Variants in BZW2 observed in about 807,000 individuals in gnomAD.
BZW2 encodes the protein basic leucine zipper and W2 domains 2, also known as eIF5-mimic protein 1.
A neutral mutation model predicts 53.2 loss-of-function variants in BZW2; 23 were observed. That is an observed-to-expected ratio of 0.43 (90% CI 0.31 to 0.61). The LOEUF is 0.61. BZW2 is among the 20% of genes least tolerant of loss of function. BZW2 has a pLI of 0.09. For missense variants in BZW2, 409 were observed against 503.1 expected, an observed-to-expected ratio of 0.81 and a Z score of 1.79; for synonymous variants, 227 against 186.4, an observed-to-expected ratio of 1.22 and a Z score of -1.77.
intron 2 of BZW2, among the ~76,000 whole-genome samples, chr7:16,671,615 G>A (rs1191121581): frequency 2.0e-5 from 3 of 151,944 alleles, no homozygotes; most frequent in Non-Finnish European, 2.9e-5. Flanking sequence ...ATGTATGTTC[G>A]TATTGCTCTT....
intron 3 of BZW2, 132 bp from the exon 4 acceptor site, chr7:16,681,169 G>C: frequency 1.3e-6 from 1 of 759,864 alleles, no homozygotes; most frequent in Non-Finnish European, 2.1e-6. Flanking sequence ...GTCATTCTTT[G>C]AAATTTTATG....
intron 1 of BZW2, among the ~76,000 whole-genome samples, chr7:16,657,767 G>A: frequency 6.6e-6 from 1 of 152,086 alleles, no homozygotes; most frequent in East Asian, 1.9e-4. Context: ...CCACTGGTAT[G>A]TTCAGATCTG....
intron 2 of BZW2, among the ~76,000 whole-genome samples, chr7:16,668,099 G>T (rs1229477053): frequency 6.6e-6 from 1 of 152,204 alleles, no homozygotes; most frequent in African/African-American, 2.4e-5. Context: ...CAGCTATGAG[G>T]CACAGAAACG....
intron 3 of BZW2, among the ~76,000 whole-genome samples, chr7:16,678,340 C>T (rs751242637): frequency 2.0e-5 from 3 of 151,800 alleles, no homozygotes; most frequent in Non-Finnish European, 2.9e-5. Context: ...CCACCACGCC[C>T]GGCCCCATTG....
intron 1 of BZW2, 64 bp from the exon 2 acceptor site, chr7:16,665,373 G>C (rs1464736247): frequency 1.3e-6 from 2 of 1,584,344 alleles, no homozygotes; most frequent in Admixed American, 1.7e-5. Context: ...AAACTTATTG[G>C]CCATATGTTT....
At chr7:16,704,734 A>T (rs1783779754) in intron 11 of BZW2, 65 bp downstream of exon 11, 4 of 1,375,930 alleles carry the variant, frequency 2.9e-6, no homozygotes, top group African/African-American at 1.4e-5. Context: ...CAAAATATTT[A>T]CCTCTTCCAC....
chr7:16,704,067 A>T (rs911936117), intron 10 of BZW2, among the ~76,000 whole-genome samples: 1 of 152,144 alleles, frequency 6.6e-6, no homozygotes, highest in African/African-American at 2.4e-5. Flanking sequence ...TCATTATTGC[A>T]TACTATCTAC....
intron 1 of BZW2, among the ~76,000 whole-genome samples, chr7:16,660,402 A>T (rs1196926117): frequency 4.2e-5 from 6 of 143,318 alleles, no homozygotes; most frequent in African/African-American, 1.5e-4. Flanking sequence ...TCCATATTTA[A>T]AAAAAAAAAA....
intron 4 of BZW2, among the ~76,000 whole-genome samples, chr7:16,681,641 G>A (rs1370143824): frequency 6.6e-6 from 1 of 152,142 alleles, no homozygotes; most frequent in African/African-American, 2.4e-5. Context: ...GACCAGCCTG[G>A]CCAACATGGT....
chr7:16,682,693 A>G (rs1782986105), intron 4 of BZW2, 87 bp from the exon 5 acceptor site: 1 of 690,440 alleles, frequency 1.4e-6, no homozygotes, highest in Non-Finnish European at 2.3e-6. Flanking sequence ...ATTATTATAG[A>G]TCTATGGTGT....
In BZW2 at chr7:16,699,861, TTTC is replaced by T. The variant is rs139558986; in HGVS notation, c.1108+1682_1108+1684del. Among the ~76,000 whole-genome samples the T allele has an allele frequency of 3.4e-3, 522 of 152,304 alleles. 1 individual carries two copies. The highest frequency in any genetic ancestry group is 0.012 in the African/African-American group (488 of 41,550). On this transcript the variant is annotated intron_variant, in intron 10 of 11. Coordinates refer to ENST00000258761, the MANE Select transcript of BZW2 (RefSeq NM_014038.3). Reference sequence around the variant, plus strand: ...TAGTAAAACTGGCTACTTTGAGTTTTTTCTTCTTCATCAGCCCCAGATGCTAAG... The same window carrying T: ...TAGTAAAACTGGCTACTTTGAGTTTTTTCTTCATCAGCCCCAGATGCTAAG...
rs762472281 is a variant in BZW2 at position 16,685,995 on chromosome 7, G to A, written c.496G>A (p.Ala166Thr). The A allele has an allele frequency of 5.6e-6, 9 of 1,604,392 alleles. No individual in the cohort carries two copies. Among genetic ancestry groups the A allele is most frequent in the Non-Finnish European group, 7.6e-6 (9 of 1,176,950 alleles). Residue 166 changes from alanine (A) to threonine (T), a missense_variant, in exon 6 of 12, where the codon GCC becomes ACC. Around this residue, in one of 3 missense-constraint regions of BZW2, gnomAD observed 316 missense variants for 366.8 expected, o/e 0.86. Coordinates refer to ENST00000258761, the MANE Select transcript of BZW2 (RefSeq NM_014038.3). ...TCTGCTGGGCAATGGCACCCTGCCC[G>A]CCACCATCCTCACCAGTCTCTTCAC... ...GILLGNGTLP[A>T]TILTSLFTDS...
intron 9 of BZW2, among the ~76,000 whole-genome samples, 194 bp from the exon 10 acceptor site, chr7:16,697,854 C>G (rs773916035): frequency 2.0e-5 from 3 of 152,216 alleles, no homozygotes; most frequent in East Asian, 1.9e-4. Flanking sequence ...AGTTCCCTCA[C>G]AGGTCGACTA....
intron 5 of BZW2, among the ~76,000 whole-genome samples, chr7:16,685,429 G>A (rs1406590985): frequency 2.0e-5 from 3 of 147,154 alleles, no homozygotes; most frequent in Non-Finnish European, 4.5e-5. Context: ...TTTTTTGTTT[G>A]TGTGGGGCTT....
intron 5 of BZW2, 29 bp from the exon 6 acceptor site, chr7:16,685,873 TTTC>T: frequency 6.9e-7 from 1 of 1,458,666 alleles, no homozygotes; most frequent in Non-Finnish European, 9.0e-7. Context: ...TCTTTTTCTT[TTTC>T]TTTTTTTTTT....
At chr7:16,688,588 G>T (rs1783203827) in intron 6 of BZW2, 1 of 152,184 alleles carries the variant, frequency 6.6e-6, no homozygotes, top group South Asian at 2.1e-4. Context: ...CCTCTTTTAG[G>T]AAGGAGGTAA....
intron 1 of BZW2, 117 bp from the exon 2 acceptor site, chr7:16,665,320 G>A: frequency 1.8e-5 from 20 of 1,116,970 alleles, no homozygotes; most frequent in East Asian, 7.5e-5. Flanking sequence ...AAAAAAAAAA[G>A]AGGCATATTC....
At chr7:16,683,001 G>A (rs557532263) in intron 5 of BZW2, among the ~76,000 whole-genome samples, 156 bp downstream of exon 5, 3 of 152,028 alleles carry the variant, frequency 2.0e-5, no homozygotes, top group African/African-American at 7.2e-5. Context: ...TTTAAGACCA[G>A]CCTGGCCAAG....
rs1196242056 is a variant in BZW2 at position 16,694,845 on chromosome 7, A to G, written c.663A>G (p.Pro221=). Residue 221 remains proline (P), a synonymous_variant, in exon 8 of 12, where the codon CCA becomes CCG. Transcript: ENST00000258761. ...TTTCCCTTTTTCAGGAACTCTTTCCAGTTAACAGACAGAGTGTGGATCATT... is the reference window on the plus strand; with the variant it reads ...TTTCCCTTTTTCAGGAACTCTTTCCGGTTAACAGACAGAGTGTGGATCATT... The part of the protein sequence containing the change: ...NLDKRLLELF[P]VNRQSVDHFA... The G allele has an allele frequency of 1.3e-6, 2 of 1,513,162 alleles. No individual in the cohort carries two copies. The highest frequency in any genetic ancestry group is 1.3e-5 in the South Asian group (1 of 78,018). 93.7% of individuals were successfully genotyped at this position (1,513,162 alleles called of 1,614,324 possible). A position where few individuals can be genotyped will look rare whatever the true frequency, so the allele number is the denominator to read the frequency against.
Sources: allele counts gnomAD v4.1 joint callset (sites outside exome capture counted in the v4.1 genomes callset), GRCh38; gene constraint gnomAD v4.1.1; regional missense constraint gnomAD v4.1.1; transcripts MANE v1.5; gene names NCBI Gene and HGNC (gene_info 2026-07-23, HGNC 2026-07-21).